NSD1: variants seen among roughly 807,000 people sequenced by gnomAD.
NSD1 encodes the protein nuclear receptor binding SET domain protein 1, also known as histone-lysine N-methyltransferase, H3 lysine-36 specific.
Under a neutral mutation model 242.7 loss-of-function variants are expected in NSD1, and 26 were observed. The observed-to-expected ratio is 0.11, with a 90% CI of 0.08 to 0.15. The LOEUF is 0.15. Ranked by LOEUF, NSD1 falls within the 10% of genes least tolerant of loss-of-function variation. NSD1 has a pLI of 1.00. For missense variants in NSD1, 2,495 were observed against 3,272.8 expected, an observed-to-expected ratio of 0.76 and a Z score of 5.80; for synonymous variants, 1,106 against 1,178.1, an observed-to-expected ratio of 0.94 and a Z score of 1.25.
At chr5:177,144,113 C>T (rs1275483896) in intron 2 of NSD1, among the ~76,000 whole-genome samples, 1 of 152,168 alleles carries the variant, frequency 6.6e-6, no homozygotes, top group Non-Finnish European at 1.5e-5. Context: ...TGAAGTAATA[C>T]ACTGCTGGTT....
At position 177,227,054 on chromosome 5, in the gene NSD1, C is replaced by T. The variant is rs11953152; in HGVS notation, c.3797-8767C>T. On this transcript the variant is annotated intron_variant, in intron 5 of 22. Transcript: ENST00000439151. ...GGTATTCTGTTATGTTAAAATATCC[C>T]GTTAGAGATACATGATGAAACACAT... 9.4e-3 allele frequency among the ~76,000 whole-genome samples: 1,423 copies of T among 151,900 alleles called. 19 individuals are homozygous for T. Among genetic ancestry groups the T allele is most frequent in the African/African-American group, 0.032 (1,323 of 41,382 alleles).
At position 177,298,027 on chromosome 5, in the gene NSD1, C is replaced by A. The variant is rs1191234680; in HGVS notation, c.*2568C>A. 1 of 232,462 alleles carries A rather than the reference C, an allele frequency of 4.3e-6. No individual in the cohort carries two copies. The highest frequency in any genetic ancestry group is 8.5e-6 in the Non-Finnish European group (1 of 117,958). The allele number at this position is 232,462 out of a possible 1,614,324, so 14.4% of individuals were successfully genotyped here. On this transcript the variant is annotated 3_prime_UTR_variant, in exon 23 of 23. Transcript: ENST00000439151. ...CTAGAAATTTGAGCTATTGGGCCCA[C>A]CAGTAGCAGCATGTGATACTAGATG...
chr5:177,240,974 G>A (rs1348527263), intron 8 of NSD1, among the ~76,000 whole-genome samples: 1 of 152,116 alleles, frequency 6.6e-6, no homozygotes, highest in African/African-American at 2.4e-5. Flanking sequence ...AGCTATGATT[G>A]CGCTATTGCA....
upstream of NSD1, chr5:177,133,562 G>GGCGGCA (rs1012049862): frequency 6.6e-6 from 1 of 150,658 alleles, no homozygotes; most frequent in African/African-American, 2.4e-5. The surrounding 1 kb of genome is among the most constrained non-coding windows in gnomAD (Gnocchi z 6.2). Context: ...GAGGGGAGGG[G>GGCGGCA]GCGGCAGCGG....
intron 5 of NSD1, among the ~76,000 whole-genome samples, chr5:177,224,980 C>T (rs952019017): frequency 1.1e-4 from 16 of 151,930 alleles, no homozygotes; most frequent in Non-Finnish European, 2.1e-4. Context: ...TTTGAACCAA[C>T]TTTGAAGTCC....
intron 2 of NSD1, among the ~76,000 whole-genome samples, chr5:177,144,638 T>C (rs1270692203): frequency 2.6e-5 from 4 of 152,164 alleles, no homozygotes; most frequent in Non-Finnish European, 4.4e-5. Context: ...TTATTCTTCC[T>C]GGTTTTCAGG....
chr5:177,141,266 C>T (rs868068951), intron 2 of NSD1, among the ~76,000 whole-genome samples: 7 of 150,630 alleles, frequency 4.6e-5, no homozygotes, highest in African/African-American at 1.5e-4. Context: ...GTGATCCACC[C>T]GCCTTGGCCT....
chr5:177,191,798 G>A (rs1272855218), intron 2 of NSD1, 86 bp from the exon 3 acceptor site: 32 of 1,409,186 alleles, frequency 2.3e-5, no homozygotes, highest in Non-Finnish European at 2.9e-5. Flanking sequence ...TTCATACATT[G>A]CTTTTTCAGA....
At position 177,199,319 on chromosome 5, in the gene NSD1, G is replaced by A. The variant is rs189365530; in HGVS notation, c.1064-4801G>A. Among the ~76,000 whole-genome samples, 9 of 152,168 alleles carry A rather than the reference G, an allele frequency of 5.9e-5. No homozygotes were observed. The East Asian group carries it at 1.2e-3, about 20-fold the overall frequency. On this transcript the variant is annotated intron_variant, in intron 3 of 22. Coordinates refer to ENST00000439151, the MANE Select transcript of NSD1 (RefSeq NM_022455.5). ...GTTGCTCAGGCTGGAGTGTAGTGAC[G>A]CGATGTCAGCTCACTGCAACCTCTG... is the stretch of plus-strand genomic sequence containing the variant.
Position 177,296,891 on chromosome 5 carries a change from C to T in NSD1, c.*1432C>T, listed in dbSNP as rs575513634. On this transcript the variant is annotated 3_prime_UTR_variant, in exon 23 of 23. Coordinates refer to ENST00000439151, the MANE Select transcript of NSD1 (RefSeq NM_022455.5). ...TGTCCTTAGACCAACATGTTTACCT[C>T]TCTGCTTTGCCAACTTAGCCAGCAG... The T allele has an allele frequency of 8.6e-6, 2 of 233,338 alleles. No individual in the cohort carries two copies. Among genetic ancestry groups the T allele is most frequent in the South Asian group, 3.6e-4 (2 of 5,534 alleles). The allele number at this position is 233,338 out of a possible 1,614,324, so 14.5% of individuals were successfully genotyped here.
chr5:177,210,691 G>T lies in NSD1; in HGVS notation c.2292G>T (p.Glu764Asp). 6.2e-7 allele frequency: 1 copy of T among 1,614,174 alleles called. No individual in the cohort carries two copies. The highest frequency in any genetic ancestry group is 2.2e-5 in the East Asian group (1 of 44,876). The change falls in exon 5 of 23, where the codon GAG becomes GAT. Residue 764 changes from glutamate (E) to aspartate (D), a missense_variant. This residue lies in a region of NSD1 where 515 missense variants were observed against 467.0 expected (regional missense o/e 1.10). Transcript: ENST00000439151. ...KFNLSSSISS[E>D]NSLIKGGAAN... The stretch of plus-strand genomic sequence containing the variant: ...ACCTGTCATCAAGCATATCCAGTGA[G>T]AACTCGTTAATAAAGGGTGGGGCAG...
chr5:177,257,228 CTTTTTTTTTTTT>C (rs373383515), intron 13 of NSD1, 77 bp downstream of exon 13: 9 of 739,686 alleles, frequency 1.2e-5, no homozygotes, highest in East Asian at 3.0e-5. Flanking sequence ...TTTTTTCTTT[CTTTTTTTTTTTT>C]TTTTTTTGGA....
chr5:177,254,995 G>C (rs558392791), intron 12 of NSD1, among the ~76,000 whole-genome samples: 22 of 152,148 alleles, frequency 1.4e-4, no homozygotes, highest in African/African-American at 3.9e-4. Flanking sequence ...CTGCAATAGG[G>C]TGGTCACATC....
intron 2 of NSD1, among the ~76,000 whole-genome samples, chr5:177,188,832 CTT>C (rs1207095867): frequency 6.6e-6 from 1 of 151,700 alleles, no homozygotes; most frequent in Non-Finnish European, 1.5e-5. Flanking sequence ...TGGATATTAA[CTT>C]TTGTCATTTT....
intron 3 of NSD1, among the ~76,000 whole-genome samples, chr5:177,203,209 A>G (rs1025336487): frequency 2.0e-5 from 3 of 150,106 alleles, no homozygotes; most frequent in African/African-American, 4.8e-5. Context: ...ATTGTTAAAC[A>G]TGTGTTGTCC....
Position 177,294,332 on chromosome 5 carries a change from G to C in NSD1, c.6964G>C (p.Val2322Leu). 1 of 1,614,228 alleles carries C rather than the reference G, an allele frequency of 6.2e-7. No individual in the cohort carries two copies. Among genetic ancestry groups the C allele is most frequent in the Non-Finnish European group, 8.5e-7 (1 of 1,180,044 alleles). ...GAGGCCACTGGACAGGCCACCAGCA[G>C]TGGCAGGACCAAGACCCCAGCTAAG... ...SQRPLDRPPA[V>L]AGPRPQLSDK... The change falls in exon 23 of 23, where the codon GTG becomes CTG. Residue 2322 changes from valine (V) to leucine (L), a missense_variant. Physicochemically the swap from Val to Leu is conservative, Grantham distance 32. This residue lies in a region of NSD1 where 475 missense variants were observed against 563.7 expected (regional missense o/e 0.84). Coordinates refer to ENST00000439151, the MANE Select transcript of NSD1 (RefSeq NM_022455.5).
chr5:177,267,186 A>G (rs778100223), intron 14 of NSD1, among the ~76,000 whole-genome samples: 11 of 152,218 alleles, frequency 7.2e-5, no homozygotes, highest in Non-Finnish European at 1.3e-4. Flanking sequence ...AAAGGAGGGA[A>G]GGAACTAACC....
intron 14 of NSD1, chr5:177,265,083 CAT>C (rs201922964): frequency 0.01 from 7,845 of 753,498 alleles, 69 homozygotes; most frequent in Non-Finnish European, 0.014. Context: ...CTTCCTGAAA[CAT>C]GTGAAGGAAA....
At chr5:177,180,498 C>G (rs1339082091) in intron 2 of NSD1, among the ~76,000 whole-genome samples, 1 of 152,052 alleles carries the variant, frequency 6.6e-6, no homozygotes, top group African/African-American at 2.4e-5. Context: ...TCAAGTGATC[C>G]ACCTGCCTCG....
Sources: allele counts gnomAD v4.1 joint callset (sites outside exome capture counted in the v4.1 genomes callset), GRCh38; gene constraint gnomAD v4.1.1; regional missense constraint gnomAD v4.1.1; non-coding constraint Gnocchi (gnomAD v3.1); transcripts MANE v1.5; gene names NCBI Gene and HGNC (gene_info 2026-07-23, HGNC 2026-07-21).